AMPH: variants seen among roughly 807,000 people sequenced by gnomAD.
The protein encoded by AMPH is amphiphysin (Stiff-Mann syndrome with breast cancer 128kD autoantigen).
Under a neutral mutation model 99.1 loss-of-function variants are expected in AMPH, and 49 were observed. The observed-to-expected ratio is 0.49, with a 90% CI of 0.39 to 0.63. The LOEUF is 0.63. AMPH is among the 20% of genes least tolerant of loss of function. The pLI is 0.00. For synonymous variants in AMPH, 314 were observed against 317.3 expected (o/e 0.99, Z 0.11); for missense variants, 759 against 863.4 (o/e 0.88, Z 1.52).
intron 17 of AMPH, among the ~76,000 whole-genome samples, chr7:38,414,281 C>T (rs1355779324): frequency 6.6e-6 from 1 of 152,086 alleles, no homozygotes; most frequent in Non-Finnish European, 1.5e-5. Context: ...CAAAGTTGTC[C>T]CCAGAATAAT....
In AMPH at chr7:38,571,321, AATATATATATTTATATATAGAAT is replaced by A. The variant is rs1355751966; in HGVS notation, c.70-36333_70-36311del. Among the ~76,000 whole-genome samples the A allele has an allele frequency of 6.1e-5, 5 of 81,870 alleles. 1 individual carries two copies. The highest frequency in any genetic ancestry group is 3.6e-4 in the South Asian group (1 of 2,784). 53.7% of individuals were successfully genotyped at this position (81,870 alleles called of 152,430 possible). A position where few individuals can be genotyped will look rare whatever the true frequency, so the allele number is the denominator to read the frequency against. Reference sequence around the variant, plus strand: ...TATGAATATATATATTTATATATAGAATATATATATTTATATATAGAATATATATATTTACATATAGAATATAT... The same window carrying A: ...TATGAATATATATATTTATATATAGAATATATATTTACATATAGAATATAT... On this transcript the variant is annotated intron_variant, in intron 1 of 20. Transcript: ENST00000356264.
chr7:38,390,054 C>T, intron 19 of AMPH, 149 bp from the exon 20 acceptor site: 3 of 633,512 alleles, frequency 4.7e-6, no homozygotes, highest in Middle Eastern at 3.9e-4. Flanking sequence ...GAAGGGAAGT[C>T]CTATTCTCTG....
intron 1 of AMPH, among the ~76,000 whole-genome samples, chr7:38,628,624 C>T (rs1376112444): frequency 1.3e-5 from 2 of 152,152 alleles, no homozygotes; most frequent in African/African-American, 4.8e-5. Flanking sequence ...ATAAACAGGT[C>T]TTCAACTATA....
intron 13 of AMPH, among the ~76,000 whole-genome samples, chr7:38,430,758 A>T (rs1197681178): frequency 6.6e-6 from 1 of 152,234 alleles, no homozygotes; most frequent in Non-Finnish European, 1.5e-5. Context: ...ACTAGAAAAG[A>T]TATAACTTAG....
At chr7:38,599,839 TAATA>T (rs1382697473) in intron 1 of AMPH, among the ~76,000 whole-genome samples, 13 of 151,774 alleles carry the variant, frequency 8.6e-5, no homozygotes, top group African/African-American at 3.1e-4. Context: ...AATAGTAAAA[TAATA>T]AATAGTTTTA....
chr7:38,625,556 T>C lies in AMPH; in HGVS notation c.69+5727A>G, dbSNP rs141308548. Among the ~76,000 whole-genome samples, 1,144 of 152,210 alleles carry C rather than the reference T, an allele frequency of 7.5e-3. 15 individuals carry two copies. The highest frequency in any genetic ancestry group is 0.025 in the African/African-American group (1,052 of 41,528). ...GCAAGGCACTGTCTGGAAGAAAATATAAGATGTCCACCTGATAAAGAACTC... is the reference window on the plus strand; with the variant it reads ...GCAAGGCACTGTCTGGAAGAAAATACAAGATGTCCACCTGATAAAGAACTC... On this transcript the variant is annotated intron_variant, in intron 1 of 20. Coordinates refer to ENST00000356264, the MANE Select transcript of AMPH (RefSeq NM_001635.4).
intron 1 of AMPH, among the ~76,000 whole-genome samples, chr7:38,625,377 A>C (rs1794208966): frequency 1.3e-5 from 2 of 152,240 alleles, no homozygotes; most frequent in South Asian, 4.1e-4. Context: ...AACTTTTTAA[A>C]GTTCATTTAA....
At chr7:38,484,774 AT>A (rs1788425903) in intron 5 of AMPH, among the ~76,000 whole-genome samples, 1 of 151,994 alleles carries the variant, frequency 6.6e-6, no homozygotes, top group Non-Finnish European at 1.5e-5. Context: ...AACGCTAAGC[AT>A]AACTATAACT....
At chr7:38,541,804 T>C (rs1398601505) in intron 1 of AMPH, among the ~76,000 whole-genome samples, 1 of 152,100 alleles carries the variant, frequency 6.6e-6, no homozygotes, top group African/African-American at 2.4e-5. Flanking sequence ...AACTGGGAAT[T>C]AGAAAACTAG....
At chr7:38,511,297 A>G (rs1459638756) in intron 2 of AMPH, among the ~76,000 whole-genome samples, 1 of 152,216 alleles carries the variant, frequency 6.6e-6, no homozygotes, top group Non-Finnish European at 1.5e-5. Flanking sequence ...CTGCAAACGA[A>G]TATCTTCATG....
intron 11 of AMPH, among the ~76,000 whole-genome samples, chr7:38,448,807 T>C (rs1210717789): frequency 6.6e-6 from 1 of 152,236 alleles, no homozygotes; most frequent in Non-Finnish European, 1.5e-5. Flanking sequence ...ATTTACATAA[T>C]CCTGAAATGC....
At chr7:38,434,229 C>T (rs1786167547) in intron 12 of AMPH, among the ~76,000 whole-genome samples, 1 of 152,112 alleles carries the variant, frequency 6.6e-6, no homozygotes, top group Non-Finnish European at 1.5e-5. Flanking sequence ...AGAACTAAAA[C>T]TTTTGAAGAT....
At chr7:38,540,436 T>C (rs1358085455) in intron 1 of AMPH, among the ~76,000 whole-genome samples, 1 of 151,904 alleles carries the variant, frequency 6.6e-6, no homozygotes, top group Non-Finnish European at 1.5e-5. Context: ...CTAAAAGACA[T>C]CATGACATAG....
intron 16 of AMPH, among the ~76,000 whole-genome samples, chr7:38,419,143 G>A (rs1209363001): frequency 6.6e-6 from 1 of 152,010 alleles, no homozygotes; most frequent in African/African-American, 2.4e-5. Context: ...TGCTGTGATT[G>A]GAGAAATCAG....
intron 1 of AMPH, among the ~76,000 whole-genome samples, chr7:38,562,725 A>G (rs1351309904): frequency 6.6e-6 from 1 of 152,138 alleles, no homozygotes; most frequent in African/African-American, 2.4e-5. Context: ...GAGAAAGAAA[A>G]AAAAACCAAA....
At position 38,465,490 on chromosome 7, in the gene AMPH, G is replaced by A. The variant is rs1787618624; in HGVS notation, c.726C>T (p.Ala242=). Reference sequence around the variant, plus strand: ...ACCTGGGCGCTCCTTGGATGGTGAAGGCCTTGTCGGCGTGCTGGTCACCCA... The same window carrying A: ...ACCTGGGCGCTCCTTGGATGGTGAAAGCCTTGTCGGCGTGCTGGTCACCCA... The part of the protein sequence containing the change: ...TKLGDQHADK[A]FTIQGAPSDS... Residue 242 remains alanine (A), a synonymous_variant, in exon 9 of 21, where the codon GCC becomes GCT. Transcript: ENST00000356264. 2.5e-6 allele frequency: 4 copies of A among 1,582,284 alleles called. No homozygotes were observed. The African/African-American group carries it at 5.3e-5, about 21-fold the overall frequency.
chr7:38,491,141 C>A lies in AMPH; in HGVS notation c.305G>T (p.Cys102Phe). 1 of 1,609,668 alleles carries A rather than the reference C, an allele frequency of 6.2e-7. No individual in the cohort carries two copies. The change falls in exon 5 of 21, where the codon TGT becomes TTT. Residue 102 changes from cysteine to phenylalanine, a missense_variant. By Grantham distance (205) the Cys-to-Phe change is radical (BLOSUM62 -2). Coordinates refer to ENST00000356264, the MANE Select transcript of AMPH (RefSeq NM_001635.4). ...REDVKMVGEK[C>F]DVLWEDFHQK... The stretch of plus-strand genomic sequence containing the variant: ...ATGGAAGTCTTCCCACAGCACATCA[C>A]ATTTCTAAAAGAAATAAAGAGACCA...
intron 1 of AMPH, among the ~76,000 whole-genome samples, chr7:38,600,544 T>C (rs1055586518): frequency 2.0e-5 from 3 of 152,198 alleles, no homozygotes; most frequent in South Asian, 2.1e-4. Flanking sequence ...TATATATCTA[T>C]TGAGATTATT....
At chr7:38,588,232 C>A (rs139435939) in intron 1 of AMPH, among the ~76,000 whole-genome samples, 1 of 152,004 alleles carries the variant, frequency 6.6e-6, no homozygotes, top group Non-Finnish European at 1.5e-5. Context: ...GGATTACAGG[C>A]GTGAGCTACC....
Sources: gnomAD v4.1 joint callset for allele counts (sites outside exome capture counted in the v4.1 genomes callset) on GRCh38, gnomAD v4.1.1 for gene constraint, MANE v1.5 for transcripts, NCBI Gene and HGNC (gene_info 2026-07-23, HGNC 2026-07-21) for gene names.